The following KCNQ2 variants were observed in gnomAD, a reference collection of about 807,000 sequenced individuals.
KCNQ2 encodes the protein potassium voltage-gated channel subfamily KQT member 2.
In KCNQ2, 14 loss-of-function variants were observed where a neutral mutation model predicts 84.8. The observed-to-expected ratio is 0.17, with a 90% CI of 0.11 to 0.26. KCNQ2 has a LOEUF of 0.26. Ranked by LOEUF, KCNQ2 falls within the 10% of genes least tolerant of loss-of-function variation. KCNQ2 has a pLI of 1.00. For synonymous variants in KCNQ2, 599 were observed against 554.1 expected (o/e 1.08, Z -1.14); for missense variants, 788 against 1,254.0 (o/e 0.63, Z 5.61).
chr20:63,445,610 C>T, intron 2 of KCNQ2: 1 of 587,016 alleles, frequency 1.7e-6, no homozygotes, highest in African/African-American at 1.9e-5. Flanking sequence ...CTCCCCACCT[C>T]CCTGTCTGAG....
chr20:63,435,708 T>C (rs1440670787), intron 7 of KCNQ2, among the ~76,000 whole-genome samples: 3 of 152,230 alleles, frequency 2.0e-5, no homozygotes, highest in Non-Finnish European at 2.9e-5. Flanking sequence ...TCAGACAAGA[T>C]GCTCTAGGAA....
At chr20:63,432,942 C>CG (rs561966475) in intron 8 of KCNQ2, among the ~76,000 whole-genome samples, 143 of 152,228 alleles carry the variant, frequency 9.4e-4, no homozygotes, top group African/African-American at 3.0e-3. Flanking sequence ...GAGCAGGTGA[C>CG]GGGGGGCGCG....
chr20:63,467,985 G>A (rs78003353), intron 1 of KCNQ2, among the ~76,000 whole-genome samples: 4,908 of 152,250 alleles, frequency 0.032, 107 homozygotes, highest in Non-Finnish European at 0.05. Context: ...TTATCCTTTA[G>A]CTCCTATCCT....
chr20:63,443,400 TCAC>T (rs1568937705), intron 4 of KCNQ2, among the ~76,000 whole-genome samples: 581 of 5,554 alleles, frequency 0.1, 10 homozygotes, highest in African/African-American at 0.27. Context: ...ACCATCACCA[TCAC>T]CACCATCACC....
At chr20:63,409,932 C>T (rs1163713636) in intron 15 of KCNQ2, 3 of 171,226 alleles carry the variant, frequency 1.8e-5, no homozygotes, top group African/African-American at 8.5e-5. Context: ...CTGATGGGGG[C>T]GGGACTTCCT....
Position 63,407,260 on chromosome 20 carries a change from G to A in KCNQ2, c.2003C>T (p.Pro668Leu), listed in dbSNP as rs1180500980. The A allele has an allele frequency of 3.8e-6, 6 of 1,598,420 alleles. No homozygotes were observed. The highest frequency in any genetic ancestry group is 2.2e-5 in the East Asian group (1 of 44,772). Reference protein sequence around the residue: ...YFGAKEPEPAPPYHSPEDSRE... With the variant: ...YFGAKEPEPALPYHSPEDSRE... ...GCTGTCTTCCGGGCTGTGGTACGGC[G>A]GCGCCGGCTCCGGCTCTTTGGCCCC... Residue 668 changes from proline (P) to leucine (L), a missense_variant, in exon 17 of 17, where the codon CCG (proline) becomes CTG (leucine). Around this residue, in one of 8 missense-constraint regions of KCNQ2, gnomAD observed 378 missense variants for 434.5 expected, o/e 0.87. Coordinates refer to ENST00000359125, the MANE Select transcript of KCNQ2 (RefSeq NM_172107.4). This position sits in a 1 kb window ranked among gnomAD's most constrained non-coding sequence, Gnocchi z 7.2.
chr20:63,433,411 T>C, intron 8 of KCNQ2: 1 of 369,564 alleles, frequency 2.7e-6, no homozygotes. Flanking sequence ...GGGGACGGGG[T>C]CATGGTACTG....
chr20:63,449,407 T>A (rs1286536552), intron 1 of KCNQ2: 5 of 152,274 alleles, frequency 3.3e-5, no homozygotes, highest in African/African-American at 4.8e-5. Context: ...CCACAGCTCC[T>A]CCCTGGGCAG....
Position 63,443,313 on chromosome 20 carries a change from TCAC to T in KCNQ2, c.691-785_691-783del, listed in dbSNP as rs1568937167. On this transcript the variant is annotated intron_variant, in intron 4 of 16. Coordinates refer to ENST00000359125, the MANE Select transcript of KCNQ2 (RefSeq NM_172107.4). ...ATCATCACCACCACCATCACCATCA[TCAC>T]CACCACCACCATCACCATCACCACC... Among the ~76,000 whole-genome samples, 90 of 28,378 alleles carry T rather than the reference TCAC, an allele frequency of 3.2e-3. 3 individuals are homozygous for T. Among genetic ancestry groups the T allele is most frequent in the African/African-American group, 8.5e-3 (54 of 6,342 alleles). The allele number at this position is 28,378 out of a possible 152,430, so 18.6% of individuals were successfully genotyped here. A position where few individuals can be genotyped will look rare whatever the true frequency, so the allele number is the denominator to read the frequency against.
At chr20:63,434,344 C>T (rs2080924506) in intron 7 of KCNQ2, 1 of 187,226 alleles carries the variant, frequency 5.3e-6, no homozygotes, top group Non-Finnish European at 1.1e-5. Context: ...AGGGCGGGGA[C>T]TCAGCCCGGC....
intron 12 of KCNQ2, among the ~76,000 whole-genome samples, chr20:63,418,811 C>A (rs557726110): frequency 6.6e-6 from 1 of 152,202 alleles, no homozygotes; most frequent in Non-Finnish European, 1.5e-5. Context: ...GAGTCGCGGG[C>A]CCCCCATGGA....
chr20:63,425,459 C>T lies in KCNQ2; in HGVS notation c.1218-1253G>A, dbSNP rs941396948. 6.6e-6 allele frequency among the ~76,000 whole-genome samples: 1 copy of T among 152,180 alleles called. No homozygotes were observed. The highest frequency in any genetic ancestry group is 1.5e-5 in the Non-Finnish European group (1 of 68,042). On this transcript the variant is annotated intron_variant, in intron 10 of 16. Transcript: ENST00000359125. This position sits in a 1 kb window ranked among gnomAD's most constrained non-coding sequence, Gnocchi z 5.5. Reference sequence around the variant, plus strand: ...CGTTGGCCAGGCACAGTGGCTCACACCTGTAATCCCAGCACTTTGGGAGGC... The same window carrying T: ...CGTTGGCCAGGCACAGTGGCTCACATCTGTAATCCCAGCACTTTGGGAGGC...
rs930381593 is a variant in KCNQ2, at chr20:63,414,518, G to A, written c.1526-325C>T. 7.9e-5 allele frequency among the ~76,000 whole-genome samples: 12 copies of A among 152,120 alleles called. No homozygotes were observed. The highest frequency in any genetic ancestry group is 2.7e-4 in the African/African-American group (11 of 41,430). On this transcript the variant is annotated intron_variant, in intron 13 of 16. Transcript: ENST00000359125. The surrounding 1 kb of genome is among the most constrained non-coding windows in gnomAD (Gnocchi z 6.6). ...GTGCAGGCCTGACATCTGAGGCTCA[G>A]TGAAGGAAGCCAGACCCAACGGCCC...
At chr20:63,434,995 T>G (rs760917669) in intron 7 of KCNQ2, among the ~76,000 whole-genome samples, 2 of 152,220 alleles carry the variant, frequency 1.3e-5, no homozygotes, top group Non-Finnish European at 2.9e-5. Context: ...GTTTACGAAC[T>G]TTCTGAGAAA....
intron 7 of KCNQ2, among the ~76,000 whole-genome samples, chr20:63,436,278 TC>T (rs1362017563): frequency 6.6e-6 from 1 of 152,198 alleles, no homozygotes. Flanking sequence ...ACGCCTGTAA[TC>T]CCAGCACTTT....
chr20:63,415,154 C>CAGACAG lies in KCNQ2; in HGVS notation c.1302-29_1302-28insCTGTCT, dbSNP rs755656840. 2.5e-4 allele frequency: 396 copies of CAGACAG among 1,575,268 alleles called. 6 individuals carry two copies. In the South Asian group the frequency reaches 4.0e-3, roughly 16 times the overall value. ...GCTCCCACGGGAACCGACAGACAGACAGAAAAACAGGGAGAGAAGTCACTC... is the reference window on the plus strand; with the variant it reads ...GCTCCCACGGGAACCGACAGACAGACAGACAGAGAAAAACAGGGAGAGAAGTCACTC... On this transcript the variant is annotated intron_variant, in intron 12 of 16. Coordinates refer to ENST00000359125, the MANE Select transcript of KCNQ2 (RefSeq NM_172107.4).
Position 63,408,225 on chromosome 20 carries a change from G to A in KCNQ2, c.1887+188C>T. The A allele has an allele frequency of 1.4e-6, 1 of 725,324 alleles. No homozygotes were observed. The highest frequency in any genetic ancestry group is 2.2e-6 in the Non-Finnish European group (1 of 446,986). The allele number at this position is 725,324 out of a possible 1,614,324, so 44.9% of individuals were successfully genotyped here. On this transcript the variant is annotated intron_variant, in intron 16 of 16. Coordinates refer to ENST00000359125, the MANE Select transcript of KCNQ2 (RefSeq NM_172107.4). The surrounding 1 kb of genome is among the most constrained non-coding windows in gnomAD (Gnocchi z 5.0). ...TCAGGAGGGAAGGCACCCAGGCCGGGGGTGGGAGGCTCACGGTGGGGTGTG... is the reference window on the plus strand; with the variant it reads ...TCAGGAGGGAAGGCACCCAGGCCGGAGGTGGGAGGCTCACGGTGGGGTGTG...
intron 1 of KCNQ2, among the ~76,000 whole-genome samples, chr20:63,462,908 C>T (rs2081990997): frequency 6.6e-6 from 1 of 152,204 alleles, no homozygotes; most frequent in South Asian, 2.1e-4. Flanking sequence ...CAGACACACA[C>T]ATGCTGTACC....
chr20:63,444,034 C>T (rs950075149), intron 4 of KCNQ2, among the ~76,000 whole-genome samples: 1 of 152,256 alleles, frequency 6.6e-6, no homozygotes, highest in African/African-American at 2.4e-5. Context: ...GAGGGGCCAC[C>T]GGGGGCTGAC....
Sources: allele counts gnomAD v4.1 joint callset (sites outside exome capture counted in the v4.1 genomes callset), GRCh38; gene constraint gnomAD v4.1.1; regional missense constraint gnomAD v4.1.1; non-coding constraint Gnocchi (gnomAD v3.1); transcripts MANE v1.5; gene names NCBI Gene and HGNC (gene_info 2026-07-23, HGNC 2026-07-21).